The following PPM1M variants were observed in gnomAD, a reference collection of about 807,000 sequenced individuals.
PPM1M encodes the protein protein phosphatase 1M.
In PPM1M, 44 loss-of-function variants were observed where a neutral mutation model predicts 50.8. The observed-to-expected ratio is 0.87, with a 90% CI of 0.68 to 1.11. The LOEUF (loss-of-function observed/expected upper bound fraction) is 1.11, where lower values mean the gene tolerates loss of function less well. Ranked by LOEUF, PPM1M falls within the 50% of genes most tolerant of loss-of-function variation. The probability of loss-of-function intolerance (pLI) is 0.00; values close to 1 mark genes in which losing one functional copy is unlikely to be tolerated. For synonymous variants in PPM1M, 224 were observed against 242.9 expected (o/e 0.92, Z 0.72); for missense variants, 556 against 593.4 (o/e 0.94, Z 0.66).
At position 52,246,814 on chromosome 3, in the gene PPM1M, T is replaced by A; in HGVS notation, c.342+2T>A. 7.0e-7 allele frequency: 1 copy of A among 1,421,530 alleles called. No homozygotes were observed. The highest frequency in any genetic ancestry group is 9.4e-7 in the Non-Finnish European group (1 of 1,065,272). 88.1% of individuals were successfully genotyped at this position (1,421,530 alleles called of 1,614,324 possible). Reference sequence around the variant, plus strand: ...TGGCTGACCCTGTGCCCAGAGGAGGTGAGTGCAGTCTGAGTTCTTGGCTGG... The same window carrying A: ...TGGCTGACCCTGTGCCCAGAGGAGGAGAGTGCAGTCTGAGTTCTTGGCTGG... On this transcript the variant is annotated splice_donor_variant, in intron 2 of 9. Transcript: ENST00000323588. LOFTEE classifies it high-confidence loss of function.
rs983630279 is a variant in PPM1M at position 52,249,003 on chromosome 3, T to C, written c.1026T>C (p.His342=). The C allele has an allele frequency of 3.7e-6, 6 of 1,611,158 alleles. No individual in the cohort carries two copies. In the African/African-American group the frequency reaches 8.0e-5, roughly 22 times the overall value. ...CTGTCTCCCGGGGCCTGGGAGACCA[T>C]CAGCTCAGAGTCCTGGACACAAACA... ...TLAVSRGLGD[H]QLRVLDTNIQ... is the part of the protein sequence containing the mutation. The change falls in exon 8 of 10, where the codon CAT becomes CAC. Residue 342 remains histidine (H), a synonymous_variant. Coordinates refer to ENST00000323588, the MANE Select transcript of PPM1M (RefSeq NM_144641.4).
At chr3:52,247,273 C>T in intron 3 of PPM1M, 45 bp downstream of exon 3, 3 of 1,559,302 alleles carry the variant, frequency 1.9e-6, no homozygotes, top group Non-Finnish European at 2.6e-6. Flanking sequence ...AGATTTTGCC[C>T]CGGGGATCTC....
At position 52,249,171 on chromosome 3, in the gene PPM1M, T is replaced by C; in HGVS notation, c.1087-3T>C. On this transcript the variant is annotated splice_region_variant and splice_polypyrimidine_tract_variant and intron_variant, in intron 8 of 9. Transcript: ENST00000323588. ...GTGCAGGATCCTCAGGCTTAATTTG[T>C]AGGTGACTGTGCTGGATGTGGACCA... is the stretch of plus-strand genomic sequence containing the variant. The C allele has an allele frequency of 1.2e-6, 2 of 1,613,834 alleles. No individual in the cohort carries two copies. Among genetic ancestry groups the C allele is most frequent in the Non-Finnish European group, 1.7e-6 (2 of 1,179,820 alleles).
rs1438937757 is a variant in PPM1M, at chr3:52,249,309, G to A, written c.1222G>A (p.Glu408Lys). ...GCGGAGCTTCCTCCCTGGGAACCAA[G>A]AGGACCCACACAGGTACTGTAGCTG... Reference protein sequence around the residue: ...LVRSFLPGNQEDPHRFSKLAQ... With the variant: ...LVRSFLPGNQKDPHRFSKLAQ... The change falls in exon 9 of 10, where the codon GAG (glutamate) becomes AAG (lysine). Residue 408 changes from glutamate (E) to lysine (K), a missense_variant. Coordinates refer to ENST00000323588, the MANE Select transcript of PPM1M (RefSeq NM_144641.4). 1.2e-6 allele frequency: 2 copies of A among 1,603,676 alleles called. No homozygotes were observed. The highest frequency in any genetic ancestry group is 1.3e-5 in the African/African-American group (1 of 74,744).
intron 1 of PPM1M, chr3:52,246,280 G>C: frequency 9.7e-7 from 1 of 1,035,492 alleles, no homozygotes; most frequent in Non-Finnish European, 1.2e-6. Flanking sequence ...AGGACCTGCA[G>C]CCCAGGGGCT....
At chr3:52,246,851 C>G (rs1057466826) in intron 2 of PPM1M, 39 bp downstream of exon 2, 1 of 1,473,344 alleles carries the variant, frequency 6.8e-7, no homozygotes, top group Non-Finnish European at 9.1e-7. Context: ...ATCCCTCCGA[C>G]AGGCTGGGGC....
In PPM1M at chr3:52,248,387, C is replaced by T; in HGVS notation, c.848C>T (p.Pro283Leu). 6.2e-7 allele frequency: 1 copy of T among 1,613,700 alleles called. No individual in the cohort carries two copies. Among genetic ancestry groups the T allele is most frequent in the Non-Finnish European group, 8.5e-7 (1 of 1,179,786 alleles). Residue 283 changes from proline (P) to leucine (L), a missense_variant, in exon 6 of 10, where the codon CCT becomes CTT. Physicochemically the swap from Pro to Leu is moderately conservative, Grantham distance 98. Transcript: ENST00000323588. ...LAGEFTRLEF[P>L]RRLKGDDLGQ... Reference sequence around the variant, plus strand: ...GGTGAGTTCACCCGACTGGAGTTCCCTCGGCGGCTGAAGGGGGATGACTTG... The same window carrying T: ...GGTGAGTTCACCCGACTGGAGTTCCTTCGGCGGCTGAAGGGGGATGACTTG...
chr3:52,249,633 C>T, intron 9 of PPM1M, 37 bp from the exon 10 acceptor site: 2 of 1,610,990 alleles, frequency 1.2e-6, no homozygotes, highest in Non-Finnish European at 1.7e-6. Flanking sequence ...CCCCTTTGCT[C>T]TGCCCCTGAA....
chr3:52,245,892 G>T lies in PPM1M; in HGVS notation c.68G>T (p.Gly23Val), dbSNP rs1164956137. The T allele has an allele frequency of 8.8e-7, 1 of 1,141,984 alleles. No individual in the cohort carries two copies. Among genetic ancestry groups the T allele is most frequent in the Non-Finnish European group, 1.1e-6 (1 of 912,092 alleles). The allele number at this position is 1,141,984 out of a possible 1,614,324, so 70.7% of individuals were successfully genotyped here. ...GEPLPAPRPP[G>V]PHASPVPYRR... ...CCGCTCCCCGCGCCGCGGCCGCCTGGGCCGCATGCCAGCCCCGTGCCCTAC... is the reference window on the plus strand; with the variant it reads ...CCGCTCCCCGCGCCGCGGCCGCCTGTGCCGCATGCCAGCCCCGTGCCCTAC... The change falls in exon 1 of 10, where the codon GGG becomes GTG. Residue 23 changes from glycine (G) to valine (V), a missense_variant. Transcript: ENST00000323588. The surrounding 1 kb of genome is among the most constrained non-coding windows in gnomAD (Gnocchi z 4.8).
Position 52,247,109 on chromosome 3 carries a change from C to T in PPM1M, c.478C>T (p.Pro160Ser), listed in dbSNP as rs1322249619. 1.9e-6 allele frequency: 3 copies of T among 1,602,616 alleles called. No individual in the cohort carries two copies. Among genetic ancestry groups the T allele is most frequent in the East Asian group, 2.3e-5 (1 of 44,440 alleles). Reference sequence around the variant, plus strand: ...GGTGGAAGGCTTGGTGGCCACTCAGCCCCCCATGCACCTCAATGGCCGCTG... The same window carrying T: ...GGTGGAAGGCTTGGTGGCCACTCAGTCCCCCATGCACCTCAATGGCCGCTG... The part of the protein sequence containing the change: ...AVVEGLVATQ[P>S]PMHLNGRCIC... Residue 160 changes from proline (P) to serine (S), a missense_variant, in exon 3 of 10, where the codon CCC becomes TCC. Transcript: ENST00000323588.
In PPM1M at chr3:52,247,178, A is replaced by AGGGCAGAAGACTTGGTGATC; in HGVS notation, c.551_570dup (p.Ala191GlnfsTer5). The AGGGCAGAAGACTTGGTGATC allele has an allele frequency of 2.5e-6, 4 of 1,613,350 alleles. No homozygotes were observed. Among genetic ancestry groups the AGGGCAGAAGACTTGGTGATC allele is most frequent in the Non-Finnish European group, 3.4e-6 (4 of 1,179,636 alleles). On this transcript the variant is annotated frameshift_variant, in exon 3 of 10. Transcript: ENST00000323588. LOFTEE classifies it high-confidence loss of function. ...TCAGTTTGTGGAGGAAAAGGGCATC[A>AGGGCAGAAGACTTGGTGATC]GGGCAGAAGACTTGGTGATCGGGGC...
In PPM1M at chr3:52,249,246, T is replaced by C. The variant is rs1255366370; in HGVS notation, c.1159T>C (p.Trp387Arg). 16 of 1,613,784 alleles carry C rather than the reference T, an allele frequency of 9.9e-6. No homozygotes were observed. The highest frequency in any genetic ancestry group is 4.0e-5 in the African/African-American group (3 of 74,928). The change falls in exon 9 of 10, where the codon TGG becomes CGG. Residue 387 changes from tryptophan (W) to arginine (R), a missense_variant. Transcript: ENST00000323588. ...DVVVMATDGL[W>R]DVLSNEQVAW... ...GGTTGTCATGGCAACTGATGGACTCTGGGATGTACTGTCCAACGAGCAGGT... is the reference window on the plus strand; with the variant it reads ...GGTTGTCATGGCAACTGATGGACTCCGGGATGTACTGTCCAACGAGCAGGT...
Position 52,249,743 on chromosome 3 carries a change from G to C in PPM1M, c.1309G>C (p.Val437Leu), listed in dbSNP as rs758974404. 1.9e-6 allele frequency: 3 copies of C among 1,613,952 alleles called. No homozygotes were observed. The highest frequency in any genetic ancestry group is 3.3e-5 in the Admixed American group (2 of 60,010). The stretch of plus-strand genomic sequence containing the variant: ...AGACAGTCTCACAGAGGAAGGGCAG[G>C]TGTCCTACGATGACGTCTCTGTGTT... ...KEDSLTEEGQVSYDDVSVFVI... is the reference protein window; with the variant it reads ...KEDSLTEEGQLSYDDVSVFVI... The change falls in exon 10 of 10, where the codon GTG (valine) becomes CTG (leucine). Residue 437 changes from valine (V) to leucine (L), a missense_variant. By Grantham distance (32) the Val-to-Leu change is conservative (BLOSUM62 1). Coordinates refer to ENST00000323588, the MANE Select transcript of PPM1M (RefSeq NM_144641.4).
chr3:52,247,890 G>T, intron 4 of PPM1M, 96 bp downstream of exon 4: 1 of 837,560 alleles, frequency 1.2e-6, no homozygotes, highest in South Asian at 1.5e-5. Context: ...AGGGATAGTA[G>T]GAAGGATTGA....
intron 3 of PPM1M, 26 bp downstream of exon 3, chr3:52,247,254 A>G (rs1577995242): frequency 6.3e-7 from 1 of 1,590,100 alleles, no homozygotes. Flanking sequence ...TTGGCTGGGG[A>G]AGAAGTGGAG....
chr3:52,246,362 C>T (rs11715391), intron 1 of PPM1M: 135,684 of 1,049,844 alleles, frequency 0.13, 10,152 homozygotes, highest in African/African-American at 0.31. Flanking sequence ...TCGCCCTCTA[C>T]CCCCACCATC....
At position 52,246,797 on chromosome 3, in the gene PPM1M, C is replaced by T. The variant is rs1330630207; in HGVS notation, c.327C>T (p.Thr109=). The T allele has an allele frequency of 4.3e-6, 6 of 1,393,068 alleles. No individual in the cohort carries two copies. In the East Asian group the frequency reaches 2.4e-4, roughly 56 times the overall value. 86.3% of individuals were successfully genotyped at this position (1,393,068 alleles called of 1,614,324 possible). A position where few individuals can be genotyped will look rare whatever the true frequency, so the allele number is the denominator to read the frequency against. The change falls in exon 2 of 10, where the codon ACC becomes ACT. Residue 109 remains threonine, a synonymous_variant. Transcript: ENST00000323588. ...CEFGAEEEWL[T]LCPEEFLTGH... is the part of the protein sequence containing the mutation. ...TTGGGGCTGAAGAAGAGTGGCTGAC[C>T]CTGTGCCCAGAGGAGGTGAGTGCAG...
intron 9 of PPM1M, 75 bp downstream of exon 9, chr3:52,249,397 G>A: frequency 1.3e-6 from 2 of 1,525,432 alleles, no homozygotes; most frequent in Non-Finnish European, 1.8e-6. Context: ...TGGCTGAGAA[G>A]ACAGAGCACT....
chr3:52,250,027 GCCTTTTGCGGTGATAA>G lies in PPM1M; in HGVS notation c.*218_*233del. ...TGGAGAGCCCAGCCCACCAGGTCCT[GCCTTTTGCGGTGATAA>G]CCTTCTCTGGCAGAGTGACTTTACA... On this transcript the variant is annotated 3_prime_UTR_variant, in exon 10 of 10. Coordinates refer to ENST00000323588, the MANE Select transcript of PPM1M (RefSeq NM_144641.4). 1 of 526,836 alleles carries G rather than the reference GCCTTTTGCGGTGATAA, an allele frequency of 1.9e-6. No individual in the cohort carries two copies. The highest frequency in any genetic ancestry group is 3.4e-6 in the Non-Finnish European group (1 of 292,732). The allele number at this position is 526,836 out of a possible 1,614,324, so 32.6% of individuals were successfully genotyped here. A position where few individuals can be genotyped will look rare whatever the true frequency, so the allele number is the denominator to read the frequency against.
Sources: gnomAD v4.1 joint callset for allele counts on GRCh38, gnomAD v4.1.1 for gene constraint, Gnocchi (gnomAD v3.1) non-coding constraint, MANE v1.5 for transcripts, NCBI Gene and HGNC (gene_info 2026-07-23, HGNC 2026-07-21) for gene names.